Variants in INTS6 observed in about 807,000 individuals in gnomAD.
INTS6 encodes integrator complex subunit 6, also known as DEAD box protein.
A neutral mutation model predicts 104.9 loss-of-function variants in INTS6; 16 were observed. The ratio of observed to expected loss-of-function variants is 0.15; its 90% CI spans 0.10 to 0.23. INTS6 has a LOEUF of 0.23. INTS6 is among the 10% of genes least tolerant of loss of function. INTS6 has a pLI of 1.00. For synonymous variants in INTS6, 324 were observed against 358.7 expected (o/e 0.90, Z 1.09); for missense variants, 584 against 1,062.8 (o/e 0.55, Z 6.26).
intron 13 of INTS6, 100 bp from the exon 14 acceptor site, chr13:51,374,896 T>C (rs1955887592): frequency 8.5e-7 from 1 of 1,178,272 alleles, no homozygotes; most frequent in Non-Finnish European, 1.2e-6. Context: ...TTCTAGACAG[T>C]CTTCTTTACC....
At chr13:51,437,210 T>A (rs1001684409) in intron 3 of INTS6, 2 of 152,214 alleles carry the variant, frequency 1.3e-5, no homozygotes, top group Non-Finnish European at 2.9e-5. Flanking sequence ...ACAGCAATAA[T>A]GGTAAAATTT....
At chr13:51,388,407 T>C (rs1278599401) in intron 6 of INTS6, among the ~76,000 whole-genome samples, 1 of 152,046 alleles carries the variant, frequency 6.6e-6, no homozygotes, top group East Asian at 1.9e-4. Flanking sequence ...TTTTCTTTTT[T>C]TTTGAGATGG....
At chr13:51,374,834 C>A in intron 13 of INTS6, 38 bp from the exon 14 acceptor site, 1 of 1,602,484 alleles carries the variant, frequency 6.2e-7, no homozygotes, top group East Asian at 2.2e-5. Context: ...AAGTTAACCT[C>A]CAATTAGTTC....
intron 3 of INTS6, among the ~76,000 whole-genome samples, chr13:51,432,867 AT>A (rs1957120926): frequency 6.6e-6 from 1 of 152,212 alleles, no homozygotes; most frequent in Admixed American, 6.5e-5. Context: ...TGTATGATAT[AT>A]AATCTCTACT....
chr13:51,342,327 C>T, the INTS6 span, among the ~76,000 whole-genome samples: 1 of 152,154 alleles, frequency 6.6e-6, no homozygotes, highest in Non-Finnish European at 1.5e-5. Context: ...ACCACCTATA[C>T]CTGGGTGACA....
In INTS6 at chr13:51,381,306, A is replaced by C. The variant is rs570130655; in HGVS notation, c.1275+723T>G. On this transcript the variant is annotated intron_variant, in intron 10 of 17. Transcript: ENST00000311234. ...ATTTTAAAAGGTAGTACAACACTCG[A>C]GGTTAAAAGCCTAAATCTAAGCCAG... Among the ~76,000 whole-genome samples, 3 of 152,214 alleles carry C rather than the reference A, an allele frequency of 2.0e-5. No individual in the cohort carries two copies. The South Asian group carries it at 6.2e-4, about 31-fold the overall frequency.
intron 4 of INTS6, among the ~76,000 whole-genome samples, chr13:51,422,290 C>A (rs559650108): frequency 3.3e-5 from 5 of 152,100 alleles, no homozygotes; most frequent in Non-Finnish European, 7.4e-5. Flanking sequence ...GAAAATAATA[C>A]TAAACCAGTA....
chr13:51,344,118 T>A, the INTS6 span: 2 of 679,608 alleles, frequency 2.9e-6, no homozygotes, highest in East Asian at 5.4e-5. Flanking sequence ...CAAACTGGCT[T>A]TGTATGGTAG....
chr13:51,428,701 G>A (rs969053833), intron 4 of INTS6, among the ~76,000 whole-genome samples: 1 of 152,084 alleles, frequency 6.6e-6, no homozygotes, highest in Non-Finnish European at 1.5e-5. Context: ...ACAATTGGCT[G>A]TACATGTCAA....
intron 3 of INTS6, chr13:51,447,130 G>GT (rs1419778087): frequency 6.6e-6 from 1 of 152,122 alleles, no homozygotes; most frequent in East Asian, 1.9e-4. Context: ...CAACACAGCA[G>GT]TATTTCAGGT....
intron 3 of INTS6, chr13:51,439,701 C>T (rs1175116279): frequency 6.6e-6 from 1 of 152,196 alleles, no homozygotes; most frequent in Non-Finnish European, 1.5e-5. Flanking sequence ...TAAATTTTCT[C>T]AAAGAAGTTT....
the INTS6 span, among the ~76,000 whole-genome samples, chr13:51,336,990 G>A: frequency 6.6e-6 from 1 of 152,242 alleles, no homozygotes; most frequent in Non-Finnish European, 1.5e-5. Context: ...TGGAAGGACA[G>A]GTGGAGGCTC....
chr13:51,444,022 A>G (rs1360817671), intron 3 of INTS6: 1 of 152,178 alleles, frequency 6.6e-6, no homozygotes, highest in Non-Finnish European at 1.5e-5. Flanking sequence ...ATATTCTCCT[A>G]TATCGAAAGA....
At chr13:51,411,272 G>A (rs923592444) in intron 4 of INTS6, among the ~76,000 whole-genome samples, 3 of 150,570 alleles carry the variant, frequency 2.0e-5, no homozygotes, top group African/African-American at 7.3e-5. Context: ...CAAGCACATG[G>A]GCCAGGTGCA....
chr13:51,451,959 G>C lies in INTS6; in HGVS notation c.189+19C>G, dbSNP rs1953066043. ...ACAGGGAAGGGAAGGGAGGAAAGGG[G>C]GAGGGCGAGGGCTGTTACCTTGATA... On this transcript the variant is annotated intron_variant, in intron 2 of 17. Coordinates refer to ENST00000311234, the MANE Select transcript of INTS6 (RefSeq NM_012141.3). 6.3e-7 allele frequency: 1 copy of C among 1,595,632 alleles called. No homozygotes were observed. The highest frequency in any genetic ancestry group is 8.6e-7 in the Non-Finnish European group (1 of 1,166,306).
chr13:51,443,111 AAAT>A (rs1186914446), intron 3 of INTS6: 2 of 152,354 alleles, frequency 1.3e-5, no homozygotes, highest in African/African-American at 4.8e-5. Context: ...AAATGTTATT[AAAT>A]AATATACAAA....
intron 4 of INTS6, among the ~76,000 whole-genome samples, chr13:51,429,340 C>G (rs1957041879): frequency 6.6e-6 from 1 of 152,022 alleles, no homozygotes; most frequent in African/African-American, 2.4e-5. Context: ...TATATCAGCC[C>G]ATGTTAAAGA....
At chr13:51,441,324 G>C (rs771622864) in intron 3 of INTS6, 1 of 152,036 alleles carries the variant, frequency 6.6e-6, no homozygotes, top group Non-Finnish European at 1.5e-5. Context: ...ATGATTAATA[G>C]GTTGTGTTAC....
chr13:51,353,068 A>G (rs1226024589), downstream of INTS6, among the ~76,000 whole-genome samples: 2 of 152,106 alleles, frequency 1.3e-5, no homozygotes, highest in Non-Finnish European at 2.9e-5. Flanking sequence ...TTCTTGTAAT[A>G]TCCTTGTCTG....
Sources: allele counts gnomAD v4.1 joint callset (sites outside exome capture counted in the v4.1 genomes callset), GRCh38; gene constraint gnomAD v4.1.1; transcripts MANE v1.5; gene names NCBI Gene and HGNC (gene_info 2026-07-23, HGNC 2026-07-21).